Variants in PCCA observed in about 807,000 individuals in gnomAD.
PCCA encodes the protein propionyl-CoA carboxylase subunit alpha, also known as propionyl-CoA carboxylase alpha chain, mitochondrial.
In PCCA, 74 loss-of-function variants were observed where a neutral mutation model predicts 101.3. The observed-to-expected ratio is 0.73, with a 90% CI of 0.61 to 0.89. PCCA has a LOEUF of 0.89. Among genes scored for constraint, PCCA ranks in the 40% least tolerant of loss-of-function variants. PCCA has a pLI of 0.00. For missense variants in PCCA, 891 were observed against 907.0 expected (o/e 0.98, Z 0.23); for synonymous variants, 294 against 313.6 (o/e 0.94, Z 0.66).
At chr13:100,214,068 A>C (rs917834861) in intron 7 of PCCA, among the ~76,000 whole-genome samples, 2 of 152,024 alleles carry the variant, frequency 1.3e-5, no homozygotes, top group Admixed American at 1.3e-4. Flanking sequence ...TGGGTTCTCT[A>C]TTCTGTTCTA....
At chr13:100,325,965 G>A (rs2068629146) in intron 16 of PCCA, among the ~76,000 whole-genome samples, 1 of 152,108 alleles carries the variant, frequency 6.6e-6, no homozygotes, top group Non-Finnish European at 1.5e-5. Context: ...CTAGCTCAGA[G>A]TACTGTAAGG....
At chr13:100,368,740 A>C (rs923466142) in intron 19 of PCCA, among the ~76,000 whole-genome samples, 166 bp downstream of exon 19, 2 of 152,090 alleles carry the variant, frequency 1.3e-5, no homozygotes, top group Non-Finnish European at 2.9e-5. Flanking sequence ...TTGTTCTCTT[A>C]TGCTTATTAG....
At chr13:100,494,177 ACT>A (rs113560255) in intron 21 of PCCA, among the ~76,000 whole-genome samples, 168 of 151,734 alleles carry the variant, frequency 1.1e-3, no homozygotes, top group African/African-American at 3.9e-3. Context: ...GACAGAGGAG[ACT>A]CTGTCTCAAA....
At chr13:100,201,580 T>C (rs2058494534) in intron 6 of PCCA, among the ~76,000 whole-genome samples, 2 of 152,078 alleles carry the variant, frequency 1.3e-5, no homozygotes, top group Non-Finnish European at 2.9e-5. Flanking sequence ...GCAGTGAGGC[T>C]AGGTGTGGTG....
chr13:100,262,868 A>T, intron 10 of PCCA, 37 bp downstream of exon 10: 1 of 834,230 alleles, frequency 1.2e-6, no homozygotes, highest in Non-Finnish European at 2.1e-6. Flanking sequence ...TTATTATTTT[A>T]AAATAATATC....
At chr13:100,162,080 ATGTGTGTG>A (rs3034650) in intron 6 of PCCA, among the ~76,000 whole-genome samples, 26 of 146,922 alleles carry the variant, frequency 1.8e-4, no homozygotes, top group East Asian at 7.9e-4. Context: ...GTGTGTCTGT[ATGTGTGTG>A]TGTGTGTGTG....
chr13:100,138,934 CAAAAAAAAA>C (rs34466523), intron 4 of PCCA, among the ~76,000 whole-genome samples: 1 of 83,078 alleles, frequency 1.2e-5, no homozygotes, highest in South Asian at 4.3e-4. Context: ...AACTCCATCT[CAAAAAAAAA>C]AAAAAAAAAA....
chr13:100,444,856 C>G (rs1269019831), intron 20 of PCCA, among the ~76,000 whole-genome samples: 1 of 114,164 alleles, frequency 8.8e-6, no homozygotes, highest in Non-Finnish European at 1.7e-5. Context: ...AAAATTCCTG[C>G]TCATTTTTAA....
intron 23 of PCCA, among the ~76,000 whole-genome samples, chr13:100,529,103 C>T (rs755709064): frequency 2.6e-5 from 4 of 152,188 alleles, no homozygotes; most frequent in Non-Finnish European, 5.9e-5. Context: ...CACCCCATCC[C>T]CAGGCCTCTC....
At chr13:100,227,121 G>A (rs1413610011) in intron 7 of PCCA, among the ~76,000 whole-genome samples, 3 of 151,668 alleles carry the variant, frequency 2.0e-5, no homozygotes, top group Admixed American at 6.6e-5. Flanking sequence ...GCAGGCATGC[G>A]CCACCACGCC....
chr13:100,515,739 C>T lies in PCCA; in HGVS notation c.2040+172C>T, dbSNP rs837286. On this transcript the variant is annotated intron_variant, in intron 22 of 23. Coordinates refer to ENST00000376285, the MANE Select transcript of PCCA (RefSeq NM_000282.4). ...GTCGACCTGTTTCACGTTTGCATTACGTTGGTGCCAGGACCCTCAGCGCTT... is the reference window on the plus strand; with the variant it reads ...GTCGACCTGTTTCACGTTTGCATTATGTTGGTGCCAGGACCCTCAGCGCTT... 0.31 allele frequency among the ~76,000 whole-genome samples: 47,768 copies of T among 152,158 alleles called. 8,022 individuals are homozygous for T. The highest frequency in any genetic ancestry group is 0.4 in the Middle Eastern group (119 of 294).
At chr13:100,183,812 C>G (rs951508765) in intron 6 of PCCA, among the ~76,000 whole-genome samples, 1 of 152,086 alleles carries the variant, frequency 6.6e-6, no homozygotes, top group African/African-American at 2.4e-5. Flanking sequence ...TTTGTTTATA[C>G]CATTCAAGCT....
chr13:100,431,739 G>T (rs184984709), intron 20 of PCCA, among the ~76,000 whole-genome samples: 1 of 152,046 alleles, frequency 6.6e-6, no homozygotes, highest in African/African-American at 2.4e-5. Context: ...GGTGGCGGGC[G>T]CCTGTAGTCC....
chr13:100,408,999 G>T (rs1184882859), intron 19 of PCCA, among the ~76,000 whole-genome samples: 1 of 152,176 alleles, frequency 6.6e-6, no homozygotes, highest in Non-Finnish European at 1.5e-5. Context: ...GAAACCCTTG[G>T]CTGGGGAAGG....
intron 19 of PCCA, among the ~76,000 whole-genome samples, chr13:100,380,450 A>G (rs554698941): frequency 2.0e-5 from 3 of 152,358 alleles, no homozygotes; most frequent in South Asian, 4.1e-4. Flanking sequence ...ACAGCCTTGT[A>G]ATCAAATACA....
At chr13:100,273,471 T>C (rs1332944065) in intron 12 of PCCA, 125 bp downstream of exon 12, 1 of 773,708 alleles carries the variant, frequency 1.3e-6, no homozygotes, top group African/African-American at 1.7e-5. Context: ...ATTTAGTTTT[T>C]ATGCTTGTGC....
At chr13:100,434,412 T>C (rs1173933795) in intron 20 of PCCA, among the ~76,000 whole-genome samples, 1 of 152,114 alleles carries the variant, frequency 6.6e-6, no homozygotes, top group African/African-American at 2.4e-5. Flanking sequence ...ATATTGGGTC[T>C]CTCAGAATTT....
intron 20 of PCCA, among the ~76,000 whole-genome samples, chr13:100,436,048 A>T (rs944800711): frequency 5.1e-5 from 5 of 98,076 alleles, no homozygotes; most frequent in African/African-American, 1.6e-4. Context: ...TGTCTCAAAT[A>T]AAAAAAAAAA....
intron 2 of PCCA, among the ~76,000 whole-genome samples, chr13:100,108,260 TAC>T (rs1381077641): frequency 6.6e-6 from 1 of 152,218 alleles, no homozygotes. Flanking sequence ...ACATTATTAG[TAC>T]AGTTATAGAG....
Sources: allele counts gnomAD v4.1 joint callset (sites outside exome capture counted in the v4.1 genomes callset), GRCh38; gene constraint gnomAD v4.1.1; transcripts MANE v1.5; gene names NCBI Gene and HGNC (gene_info 2026-07-23, HGNC 2026-07-21).